The following CPNE5 variants were observed in gnomAD, a reference collection of about 807,000 sequenced individuals.
The protein encoded by CPNE5 is copine 5.
CPNE5 carries 42 observed loss-of-function variants against 81.1 expected under a neutral mutation model. That is an observed-to-expected ratio of 0.52 (90% CI 0.40 to 0.67). CPNE5 has a LOEUF of 0.67. Ranked by LOEUF, CPNE5 falls within the 30% of genes least tolerant of loss-of-function variation. CPNE5 has a pLI of 0.00. For missense variants in CPNE5, 612 were observed against 815.5 expected (o/e 0.75, Z 3.04); for synonymous variants, 313 against 321.5 (o/e 0.97, Z 0.28).
intron 1 of CPNE5, among the ~76,000 whole-genome samples, chr6:36,826,535 G>A (rs236365): frequency 0.022 from 3,392 of 152,138 alleles, 136 homozygotes; most frequent in African/African-American, 0.075. Flanking sequence ...CCTCTGACTC[G>A]TAGGACCCCA....
chr6:36,768,174 G>C (rs530748004), intron 10 of CPNE5, among the ~76,000 whole-genome samples: 21 of 149,294 alleles, frequency 1.4e-4, no homozygotes, highest in Non-Finnish European at 2.2e-4. Flanking sequence ...GAGACAGGGG[G>C]AAGACCATGG....
At chr6:36,826,196 A>G (rs1406857076) in intron 1 of CPNE5, among the ~76,000 whole-genome samples, 1 of 152,056 alleles carries the variant, frequency 6.6e-6, no homozygotes, top group African/African-American at 2.4e-5. Flanking sequence ...GGGAGGTCTT[A>G]TCCTCAAAGA....
chr6:36,820,951 A>G (rs947664423), intron 3 of CPNE5, among the ~76,000 whole-genome samples: 1 of 146,530 alleles, frequency 6.8e-6, no homozygotes, highest in Non-Finnish European at 1.5e-5. Flanking sequence ...TGTCTCAAGG[A>G]AAAAAAAAAA....
chr6:36,836,767 CT>C, intron 1 of CPNE5, among the ~76,000 whole-genome samples: 1 of 152,350 alleles, frequency 6.6e-6, no homozygotes, highest in East Asian at 1.9e-4. Context: ...CTCTTTCTCT[CT>C]GTTCTAGAAC....
At chr6:36,805,887 C>T (rs1645130975) in intron 3 of CPNE5, among the ~76,000 whole-genome samples, 2 of 152,210 alleles carry the variant, frequency 1.3e-5, no homozygotes, top group Admixed American at 1.3e-4. Flanking sequence ...TCCAGTGAGA[C>T]CCTCAAAGTG....
chr6:36,757,376 C>A, intron 12 of CPNE5: 1 of 985,388 alleles, frequency 1.0e-6, no homozygotes, highest in Non-Finnish European at 1.2e-6. Context: ...TTACCGTGGT[C>A]TCTTCTGTCT....
Position 36,748,278 on chromosome 6 carries a change from G to C in CPNE5, c.972-11C>G, listed in dbSNP as rs1764407678. On this transcript the variant is annotated splice_polypyrimidine_tract_variant and intron_variant, in intron 14 of 20. Coordinates refer to ENST00000244751, the MANE Select transcript of CPNE5 (RefSeq NM_020939.2). ...AAGTTGATCTGGGTCCTAGAAGAGG[G>C]AGAACAGCAGGGGAGTCACCTGGAG... 1 of 1,613,892 alleles carries C rather than the reference G, an allele frequency of 6.2e-7. No homozygotes were observed. Among genetic ancestry groups the C allele is most frequent in the Admixed American group, 1.7e-5 (1 of 60,006 alleles).
intron 1 of CPNE5, among the ~76,000 whole-genome samples, chr6:36,826,227 T>C (rs192848790): frequency 2.1e-4 from 32 of 152,250 alleles, no homozygotes; most frequent in African/African-American, 7.5e-4. Context: ...GGGCTTTCCC[T>C]GGTCCTGCCC....
intron 10 of CPNE5, among the ~76,000 whole-genome samples, chr6:36,769,270 C>G (rs189821774): frequency 3.9e-4 from 60 of 152,278 alleles, no homozygotes; most frequent in African/African-American, 1.4e-3. Flanking sequence ...CAAAAGGAGG[C>G]CAAGAGTATG....
At chr6:36,786,750 G>C (rs923450136) in intron 8 of CPNE5, among the ~76,000 whole-genome samples, 2 of 152,122 alleles carry the variant, frequency 1.3e-5, no homozygotes, top group Non-Finnish European at 2.9e-5. Context: ...GAAAAGGCAG[G>C]CTATAAAACT....
chr6:36,765,372 T>G lies in CPNE5; in HGVS notation c.742A>C (p.Ile248Leu), dbSNP rs1766467394. 2 of 1,614,032 alleles carry G rather than the reference T, an allele frequency of 1.2e-6. No homozygotes were observed. Among genetic ancestry groups the G allele is most frequent in the Non-Finnish European group, 1.7e-6 (2 of 1,179,986 alleles). ...TCCCAGTCGTACACCTCCACCTTGA[T>G]GGTCCTGCAAAACAAAGGCCTTTGC... ...ALCNGDYDRT[I>L]KVEVYDWDRD... Residue 248 changes from isoleucine (I) to leucine (L), a missense_variant, in exon 11 of 21, where the codon ATC becomes CTC. Ile to Leu is a conservative substitution (Grantham distance 5). Transcript: ENST00000244751.
rs1369233737 is a variant in CPNE5, at chr6:36,745,168, G to C, written c.1329-18C>G. 1 of 1,601,704 alleles carries C rather than the reference G, an allele frequency of 6.2e-7. No homozygotes were observed. On this transcript the variant is annotated intron_variant, in intron 17 of 20. Transcript: ENST00000244751. The stretch of plus-strand genomic sequence containing the variant: ...CTGCATTCCTGGGTGGGGCAGGTGT[G>C]GGCTCAGGTCTGTCTGCGGGACCTC...
At chr6:36,800,603 C>T (rs1196175685) in intron 3 of CPNE5, among the ~76,000 whole-genome samples, 1 of 152,204 alleles carries the variant, frequency 6.6e-6, no homozygotes, top group African/African-American at 2.4e-5. Context: ...CTAAAAGATC[C>T]CCACCTTTTG....
At chr6:36,752,223 C>T (rs558288302) in intron 14 of CPNE5, among the ~76,000 whole-genome samples, 1 of 152,138 alleles carries the variant, frequency 6.6e-6, no homozygotes, top group Non-Finnish European at 1.5e-5. Flanking sequence ...CAGACAGGTG[C>T]AGTCACTCAC....
intron 12 of CPNE5, among the ~76,000 whole-genome samples, chr6:36,757,032 T>C (rs947329543): frequency 1.3e-5 from 2 of 152,160 alleles, no homozygotes; most frequent in Non-Finnish European, 1.5e-5. Flanking sequence ...CTGCTAAACA[T>C]CCTACAGTAC....
At chr6:36,824,180 G>A (rs983272809) in intron 1 of CPNE5, among the ~76,000 whole-genome samples, 4 of 146,138 alleles carry the variant, frequency 2.7e-5, no homozygotes, top group Admixed American at 6.7e-5. Context: ...GGGCTTTCTC[G>A]GGCAGGCTGT....
intron 17 of CPNE5, 68 bp from the exon 18 acceptor site, chr6:36,745,218 G>T: frequency 6.8e-7 from 1 of 1,466,498 alleles, no homozygotes. Flanking sequence ...CCTAAACAAG[G>T]ACCCTGAACA....
chr6:36,818,566 C>T (rs964418997), intron 3 of CPNE5, among the ~76,000 whole-genome samples: 22 of 152,182 alleles, frequency 1.4e-4, no homozygotes, highest in Admixed American at 3.9e-4. Context: ...TGCACCAAGG[C>T]ACTTTACTTC....
At chr6:36,770,246 A>C (rs1443066204) in intron 10 of CPNE5, among the ~76,000 whole-genome samples, 7 of 152,224 alleles carry the variant, frequency 4.6e-5, no homozygotes, top group Admixed American at 2.0e-4. Flanking sequence ...CCAGAGGGCC[A>C]GGCCAGAGGC....
Sources: gnomAD v4.1 joint callset for allele counts (sites outside exome capture counted in the v4.1 genomes callset) on GRCh38, gnomAD v4.1.1 for gene constraint, MANE v1.5 for transcripts, NCBI Gene and HGNC (gene_info 2026-07-23, HGNC 2026-07-21) for gene names.